NRN1L: variants seen among roughly 807,000 people sequenced by gnomAD.
NRN1L encodes neuritin-like protein.
A neutral mutation model predicts 8.8 loss-of-function variants in NRN1L; 12 were observed. The ratio of observed to expected loss-of-function variants is 1.36; its 90% CI spans 0.87 to 2.20. The LOEUF is 2.20. NRN1L is among the 30% of genes most tolerant of loss of function. The probability of loss-of-function intolerance (pLI) is 0.00; values close to 1 mark genes in which losing one functional copy is unlikely to be tolerated. For missense variants in NRN1L, 266 were observed against 232.4 expected (o/e 1.14, Z -0.94); for synonymous variants, 114 against 99.2 (o/e 1.15, Z -0.88).
At chr16:67,887,153 G>C (rs959191378), downstream of NRN1L, among the ~76,000 whole-genome samples, 2 of 152,120 alleles carry the variant, frequency 1.3e-5, no homozygotes, top group African/African-American at 2.4e-5. Context: ...AAAGCCTTCT[G>C]GGGGTAGGAC....
rs1436335058 is a variant in NRN1L, at chr16:67,885,846, C to G, written c.204C>G (p.Thr68=). 1 of 1,576,012 alleles carries G rather than the reference C, an allele frequency of 6.3e-7. No individual in the cohort carries two copies. Among genetic ancestry groups the G allele is most frequent in the Admixed American group, 1.8e-5 (1 of 55,192 alleles). ...DSMGRGGELE[T]ICRSWNDFHA... ...TGGGCCGCGGAGGCGAGCTGGAGAC[C>G]ATCTGCAGGTACCGGCGGGTGTGAG... is the stretch of plus-strand genomic sequence containing the variant. The change falls in exon 2 of 3, where the codon ACC becomes ACG. Residue 68 remains threonine, a synonymous_variant. Coordinates refer to ENST00000339176, the MANE Select transcript of NRN1L (RefSeq NM_198443.2).
At chr16:67,886,625 G>A (rs998294456), downstream of NRN1L, among the ~76,000 whole-genome samples, 4 of 152,206 alleles carry the variant, frequency 2.6e-5, no homozygotes, top group Admixed American at 2.6e-4. Flanking sequence ...TGTGCGGGTT[G>A]AGATCGGGAG....
Position 67,886,071 on chromosome 16 carries a change from C to G in NRN1L, c.310C>G (p.Gln104Glu). 1 of 1,613,726 alleles carries G rather than the reference C, an allele frequency of 6.2e-7. No homozygotes were observed. The highest frequency in any genetic ancestry group is 8.5e-7 in the Non-Finnish European group (1 of 1,179,868). The change falls in exon 3 of 3, where the codon CAG (glutamine) becomes GAG (glutamate). Residue 104 changes from glutamine to glutamate, a missense_variant. Transcript: ENST00000339176. ...VWESLQQEAR[Q>E]APRPNNLHTL... is the part of the protein sequence containing the mutation. Reference sequence around the variant, plus strand: ...GGAATCACTACAGCAAGAAGCTCGCCAGGCCCCCCGTCCGAATAACTTGCA... The same window carrying G: ...GGAATCACTACAGCAAGAAGCTCGCGAGGCCCCCCGTCCGAATAACTTGCA...
Position 67,885,970 on chromosome 16 carries a change from A to G in NRN1L, c.213-4A>G. The stretch of plus-strand genomic sequence containing the variant: ...TAATCCCCCTAATCCCACTCCCTTA[A>G]CAGGTCTTGGAATGACTTCCATGCC... On this transcript the variant is annotated splice_polypyrimidine_tract_variant and splice_region_variant and intron_variant, in intron 2 of 2. Transcript: ENST00000339176. 1 of 1,613,846 alleles carries G rather than the reference A, an allele frequency of 6.2e-7. No individual in the cohort carries two copies. Among genetic ancestry groups the G allele is most frequent in the Non-Finnish European group, 8.5e-7 (1 of 1,179,904 alleles).
Position 67,886,275 on chromosome 16 carries a change from A to T in NRN1L, c.*16A>T, listed in dbSNP as rs1192284539. ...TCTGGCCTAGCTTGTTGGGTTGGGT[A>T]GCAGCGCCCGTACCTCCAGCCCTGC... On this transcript the variant is annotated 3_prime_UTR_variant, in exon 3 of 3. Coordinates refer to ENST00000339176, the MANE Select transcript of NRN1L (RefSeq NM_198443.2). 5 of 1,567,440 alleles carry T rather than the reference A, an allele frequency of 3.2e-6. No individual in the cohort carries two copies. The African/African-American group carries it at 5.4e-5, about 17-fold the overall frequency.
chr16:67,888,367 T>C (rs896892228), downstream of NRN1L, among the ~76,000 whole-genome samples: 12 of 152,048 alleles, frequency 7.9e-5, no homozygotes, highest in South Asian at 2.1e-4. Context: ...CCAGAGCTGG[T>C]CTTGGATGGC....
At chr16:67,887,192 C>T (rs533453752), downstream of NRN1L, among the ~76,000 whole-genome samples, 3 of 152,248 alleles carry the variant, frequency 2.0e-5, no homozygotes, top group East Asian at 1.9e-4. Context: ...CTCCCACCAC[C>T]GCCAGGATCC....
Position 67,884,984 on chromosome 16 carries a change from T to TGAGTGC in NRN1L, c.79+4_79+9dup, listed in dbSNP as rs2058089045. On this transcript the variant is annotated splice_region_variant and intron_variant, in intron 1 of 2. Transcript: ENST00000339176. The surrounding 1 kb of genome is among the most constrained non-coding windows in gnomAD (Gnocchi z 4.1). ...GGCCGTTGCTGTTGCTGCCCCTCGGTGAGTGCGGGCATCCGGGGCCCGGGC... is the reference window on the plus strand; with the variant it reads ...GGCCGTTGCTGTTGCTGCCCCTCGGTGAGTGCGAGTGCGGGCATCCGGGGCCCGGGC... 2 of 1,606,544 alleles carry TGAGTGC rather than the reference T, an allele frequency of 1.2e-6. No homozygotes were observed. Among genetic ancestry groups the TGAGTGC allele is most frequent in the Non-Finnish European group, 1.7e-6 (2 of 1,178,992 alleles).
chr16:67,887,602 A>G (rs1455987115), downstream of NRN1L, among the ~76,000 whole-genome samples: 2 of 126,556 alleles, frequency 1.6e-5, no homozygotes, highest in Admixed American at 8.7e-5. Context: ...TTTTTTTTTG[A>G]GACAGAGTCT....
In NRN1L at chr16:67,886,284, C is replaced by T. The variant is rs767529661; in HGVS notation, c.*25C>T. On this transcript the variant is annotated 3_prime_UTR_variant, in exon 3 of 3. Transcript: ENST00000339176. The stretch of plus-strand genomic sequence containing the variant: ...GCTTGTTGGGTTGGGTAGCAGCGCC[C>T]GTACCTCCAGCCCTGCTCTGGCGGT... 17 of 1,553,922 alleles carry T rather than the reference C, an allele frequency of 1.1e-5. No individual in the cohort carries two copies. The highest frequency in any genetic ancestry group is 4.7e-5 in the East Asian group (2 of 42,968).
chr16:67,888,723 G>A (rs2058103336), downstream of NRN1L: 1 of 152,088 alleles, frequency 6.6e-6, no homozygotes, highest in African/African-American at 2.4e-5. Flanking sequence ...TGGATGTCCT[G>A]AGCCCAGTCC....
rs754866222 is a variant in NRN1L, at chr16:67,884,938, G to A, written c.35G>A (p.Arg12Gln). The change falls in exon 1 of 3, where the codon CGG (arginine) becomes CAG (glutamine). Residue 12 changes from arginine (R) to glutamine (Q), a missense_variant. Arg to Gln is a conservative substitution (Grantham distance 43). Transcript: ENST00000339176. The surrounding 1 kb of genome is among the most constrained non-coding windows in gnomAD (Gnocchi z 4.1). The part of the protein sequence containing the change: ...MRCCRRRCCC[R>Q]QPPHALRPLL... ...TGCTGCCGCCGCCGCTGCTGCTGCC[G>A]GCAACCACCCCATGCCCTGAGGCCG... is the stretch of plus-strand genomic sequence containing the variant. The A allele has an allele frequency of 1.4e-5, 23 of 1,607,558 alleles. No homozygotes were observed. Among genetic ancestry groups the A allele is most frequent in the Non-Finnish European group, 1.8e-5 (21 of 1,179,792 alleles).
chr16:67,886,297 C>T lies in NRN1L; in HGVS notation c.*38C>T. 1 of 1,521,190 alleles carries T rather than the reference C, an allele frequency of 6.6e-7. No individual in the cohort carries two copies. Among genetic ancestry groups the T allele is most frequent in the Non-Finnish European group, 8.8e-7 (1 of 1,136,684 alleles). 94.2% of individuals were successfully genotyped at this position (1,521,190 alleles called of 1,614,324 possible). A position where few individuals can be genotyped will look rare whatever the true frequency, so the allele number is the denominator to read the frequency against. On this transcript the variant is annotated 3_prime_UTR_variant, in exon 3 of 3. Transcript: ENST00000339176. ...GGTAGCAGCGCCCGTACCTCCAGCC[C>T]TGCTCTGGCGGTGGTTGTCCAGGCT...
At chr16:67,888,574 G>C (rs916491641), downstream of NRN1L, 4 of 152,244 alleles carry the variant, frequency 2.6e-5, no homozygotes, top group Non-Finnish European at 5.9e-5. Context: ...TAGAGCTGGA[G>C]GAGAGGGGTG....
chr16:67,884,967 C>A lies in NRN1L; in HGVS notation c.64C>A (p.Leu22Met). The A allele has an allele frequency of 6.2e-7, 1 of 1,608,388 alleles. No individual in the cohort carries two copies. Among genetic ancestry groups the A allele is most frequent in the Non-Finnish European group, 8.5e-7 (1 of 1,179,730 alleles). Reference protein sequence around the residue: ...RQPPHALRPLLLLPLVLLPPL... With the variant: ...RQPPHALRPLMLLPLVLLPPL... ...ACCACCCCATGCCCTGAGGCCGTTG[C>A]TGTTGCTGCCCCTCGGTGAGTGCGG... Residue 22 changes from leucine (L) to methionine (M), a missense_variant, in exon 1 of 3, where the codon CTG becomes ATG. Physicochemically the swap from Leu to Met is conservative, Grantham distance 15. Coordinates refer to ENST00000339176, the MANE Select transcript of NRN1L (RefSeq NM_198443.2). The surrounding 1 kb of genome is among the most constrained non-coding windows in gnomAD (Gnocchi z 4.1).
chr16:67,885,614 C>A (rs1311783950), intron 1 of NRN1L, 108 bp from the exon 2 acceptor site: 1 of 845,056 alleles, frequency 1.2e-6, no homozygotes, highest in Non-Finnish European at 1.8e-6. Flanking sequence ...TCCGCTGAGT[C>A]ACATCCCCAG....
rs183334989 is a variant in NRN1L at position 67,885,828 on chromosome 16, C to A, written c.186C>A (p.Arg62=). Residue 62 remains arginine, a synonymous_variant, in exon 2 of 3, where the codon CGC becomes CGA. Coordinates refer to ENST00000339176, the MANE Select transcript of NRN1L (RefSeq NM_198443.2). ...CLIRLGDSMG[R]GGELETICRS... ...TCCGCTTGGGGGACAGCATGGGCCGCGGAGGCGAGCTGGAGACCATCTGCA... is the reference window on the plus strand; with the variant it reads ...TCCGCTTGGGGGACAGCATGGGCCGAGGAGGCGAGCTGGAGACCATCTGCA... The A allele has an allele frequency of 1.3e-5, 20 of 1,578,230 alleles. No individual in the cohort carries two copies. In the East Asian group the frequency reaches 3.1e-4, roughly 25 times the overall value.
chr16:67,887,643 C>T (rs1304600559), downstream of NRN1L, among the ~76,000 whole-genome samples: 1 of 148,952 alleles, frequency 6.7e-6, no homozygotes, highest in Non-Finnish European at 1.5e-5. Context: ...AGTGCAATGG[C>T]GCGATCTCTG....
chr16:67,886,063 A>C lies in NRN1L; in HGVS notation c.302A>C (p.Glu101Ala), dbSNP rs936446161. The change falls in exon 3 of 3, where the codon GAA (glutamate) becomes GCA (alanine). Residue 101 changes from glutamate (E) to alanine (A), a missense_variant. Physicochemically the swap from Glu to Ala is moderately radical, Grantham distance 107 (BLOSUM62 -1). Coordinates refer to ENST00000339176, the MANE Select transcript of NRN1L (RefSeq NM_198443.2). ...GCAGTGTGGGAATCACTACAGCAAG[A>C]AGCTCGCCAGGCCCCCCGTCCGAAT... Reference protein sequence around the residue: ...AAAVWESLQQEARQAPRPNNL... With the variant: ...AAAVWESLQQAARQAPRPNNL... The C allele has an allele frequency of 9.9e-6, 16 of 1,613,894 alleles. No individual in the cohort carries two copies. The highest frequency in any genetic ancestry group is 1.4e-5 in the Non-Finnish European group (16 of 1,179,904).
Sources: gnomAD v4.1 joint callset for allele counts (sites outside exome capture counted in the v4.1 genomes callset) on GRCh38, gnomAD v4.1.1 for gene constraint, Gnocchi (gnomAD v3.1) non-coding constraint, MANE v1.5 for transcripts, NCBI Gene and HGNC (gene_info 2026-07-23, HGNC 2026-07-21) for gene names.